KAT6A: variants seen among roughly 807,000 people sequenced by gnomAD.
KAT6A encodes the protein lysine acetyltransferase 6A.
Under a neutral mutation model 198.4 loss-of-function variants are expected in KAT6A, and 9 were observed. The ratio of observed to expected loss-of-function variants is 0.05; its 90% CI spans 0.03 to 0.08. The LOEUF (loss-of-function observed/expected upper bound fraction) is 0.08, where lower values mean the gene tolerates loss of function less well. Among genes scored for constraint, KAT6A ranks in the 10% least tolerant of loss-of-function variants. The pLI, the probability that KAT6A is intolerant of heterozygous loss-of-function variation, is 1.00. For synonymous variants in KAT6A, 890 were observed against 883.0 expected, an observed-to-expected ratio of 1.01 and a Z score of -0.14; for missense variants, 2,077 against 2,509.9, an observed-to-expected ratio of 0.83 and a Z score of 3.69.
chr8:41,987,050 CA>C (rs1365794290), intron 3 of KAT6A, among the ~76,000 whole-genome samples: 2 of 152,064 alleles, frequency 1.3e-5, no homozygotes, highest in African/African-American at 4.8e-5. Flanking sequence ...AAACAAACAA[CA>C]AAAAACCAGA....
In KAT6A at chr8:41,933,083, G is replaced by C. The variant is rs1821639543; in HGVS notation, c.5137C>G (p.Pro1713Ala). The C allele has an allele frequency of 6.2e-7, 1 of 1,613,076 alleles. No homozygotes were observed. Among genetic ancestry groups the C allele is most frequent in the Non-Finnish European group, 8.5e-7 (1 of 1,179,714 alleles). Residue 1713 changes from proline to alanine, a missense_variant, in exon 17 of 17, where the codon CCA (proline) becomes GCA (alanine). Physicochemically the swap from Pro to Ala is conservative, Grantham distance 27. Coordinates refer to ENST00000265713, the MANE Select transcript of KAT6A (RefSeq NM_006766.5). This position sits in a 1 kb window ranked among gnomAD's most constrained non-coding sequence, Gnocchi z 6.2. The stretch of plus-strand genomic sequence containing the variant: ...GGTATCTCCATGATCATAGGAGCTG[G>C]GGTGAAACTGTTATTCATACTACAC... ...SQCSMNNSFT[P>A]APMIMEIPES... is the part of the protein sequence containing the mutation.
At chr8:42,013,134 T>C (rs1350358627) in intron 2 of KAT6A, among the ~76,000 whole-genome samples, 1 of 151,866 alleles carries the variant, frequency 6.6e-6, no homozygotes, top group Admixed American at 6.6e-5. Context: ...ATTGGTTATA[T>C]AACTCTATCC....
At chr8:42,011,324 A>C (rs2150908754) in intron 2 of KAT6A, among the ~76,000 whole-genome samples, 1 of 152,362 alleles carries the variant, frequency 6.6e-6, no homozygotes, top group South Asian at 2.1e-4. Context: ...TTTATAAAAA[A>C]TCTTGAAAAT....
intron 2 of KAT6A, among the ~76,000 whole-genome samples, chr8:42,018,831 G>A (rs1239658760): frequency 6.6e-6 from 1 of 152,132 alleles, no homozygotes; most frequent in Admixed American, 6.5e-5. Flanking sequence ...TGAGGCCGGA[G>A]AATAGCCTGA....
At chr8:42,019,235 G>A (rs530207911) in intron 2 of KAT6A, among the ~76,000 whole-genome samples, 2 of 152,268 alleles carry the variant, frequency 1.3e-5, no homozygotes, top group South Asian at 4.1e-4. Context: ...TGGTTTGCAT[G>A]TTATTTTGAA....
At chr8:41,974,367 T>C (rs945335354) in intron 8 of KAT6A, 1 of 165,304 alleles carries the variant, frequency 6.0e-6, no homozygotes, top group African/African-American at 2.4e-5. Flanking sequence ...AAATACTTCT[T>C]GAATTAATAA....
intron 2 of KAT6A, among the ~76,000 whole-genome samples, chr8:42,029,287 C>A (rs1208980693): frequency 6.6e-6 from 1 of 152,066 alleles, no homozygotes; most frequent in Admixed American, 6.6e-5. Context: ...ATTTTGAAAT[C>A]TTTTAGTTTT....
At position 41,994,562 on chromosome 8, in the gene KAT6A, T is replaced by G. The variant is rs143205970; in HGVS notation, c.601-6999A>C. 6.2e-3 allele frequency among the ~76,000 whole-genome samples: 942 copies of G among 152,152 alleles called. 11 individuals carry two copies. Among genetic ancestry groups the G allele is most frequent in the African/African-American group, 0.022 (906 of 41,488 alleles). The stretch of plus-strand genomic sequence containing the variant: ...GTCACCTTCTCAGTAAGGCTTTTTT[T>G]GAACACCCCATCTAGCATTTCAAAG... On this transcript the variant is annotated intron_variant, in intron 2 of 16. Transcript: ENST00000265713.
chr8:41,963,230 A>G (rs1223837305), intron 8 of KAT6A, among the ~76,000 whole-genome samples: 2 of 152,208 alleles, frequency 1.3e-5, no homozygotes, highest in African/African-American at 4.8e-5. Context: ...TATCTTTGAT[A>G]AAAATTTTAA....
chr8:41,955,827 T>C (rs1014691618), intron 8 of KAT6A, among the ~76,000 whole-genome samples: 1 of 152,188 alleles, frequency 6.6e-6, no homozygotes, highest in Non-Finnish European at 1.5e-5. Context: ...CTGACAACAA[T>C]GGAGATGCCC....
At position 41,934,500 on chromosome 8, in the gene KAT6A, CTCACCCTCT is replaced by C; in HGVS notation, c.3711_3719del (p.Gly1239_Glu1241del). On this transcript the variant is annotated inframe_deletion, in exon 17 of 17. Coordinates refer to ENST00000265713, the MANE Select transcript of KAT6A (RefSeq NM_006766.5). ...CTTCACTGCTGGCTGCATCCTCTTCCTCACCCTCTTCAGCCTCTTCTGCCTCTGCTTGCA... is the reference window on the plus strand; with the variant it reads ...CTTCACTGCTGGCTGCATCCTCTTCCTCAGCCTCTTCTGCCTCTGCTTGCA... 2 of 1,612,752 alleles carry C rather than the reference CTCACCCTCT, an allele frequency of 1.2e-6. No individual in the cohort carries two copies. The highest frequency in any genetic ancestry group is 1.3e-5 in the African/African-American group (1 of 74,944).
chr8:42,047,466 T>G (rs569952739), intron 2 of KAT6A, among the ~76,000 whole-genome samples: 3 of 152,250 alleles, frequency 2.0e-5, no homozygotes, highest in Admixed American at 2.0e-4. Context: ...CAGGCTGGAG[T>G]GCAGTGGTGA....
At position 41,933,834 on chromosome 8, in the gene KAT6A, A is replaced by G; in HGVS notation, c.4386T>C (p.Ala1462=). Reference sequence around the variant, plus strand: ...CCATGGACATCTGAGGGTCCTCGTCAGCCTGGGTGTAACTCTGCAGGGTCT... The same window carrying G: ...CCATGGACATCTGAGGGTCCTCGTCGGCCTGGGTGTAACTCTGCAGGGTCT... ...ACQTLQSYTQ[A]DEDPQMSMVE... is the part of the protein sequence containing the mutation. The change falls in exon 17 of 17, where the codon GCT becomes GCC. Residue 1462 remains alanine, a synonymous_variant. Coordinates refer to ENST00000265713, the MANE Select transcript of KAT6A (RefSeq NM_006766.5). This position sits in a 1 kb window ranked among gnomAD's most constrained non-coding sequence, Gnocchi z 6.2. The G allele has an allele frequency of 6.2e-7, 1 of 1,614,118 alleles. No individual in the cohort carries two copies. The highest frequency in any genetic ancestry group is 8.5e-7 in the Non-Finnish European group (1 of 1,180,012).
At chr8:41,984,188 A>G (rs931382866) in intron 3 of KAT6A, among the ~76,000 whole-genome samples, 1 of 152,190 alleles carries the variant, frequency 6.6e-6, no homozygotes, top group Non-Finnish European at 1.5e-5. Flanking sequence ...CCTGCTAGTC[A>G]TACTCTTACA....
At chr8:42,001,982 A>G (rs1825516922) in intron 2 of KAT6A, among the ~76,000 whole-genome samples, 1 of 151,996 alleles carries the variant, frequency 6.6e-6, no homozygotes, top group South Asian at 2.1e-4. Context: ...TAACATTCAT[A>G]CTAAAATTTT....
rs1478900484 is a variant in KAT6A at position 41,934,439 on chromosome 8, G to A, written c.3781C>T (p.Pro1261Ser). 1.2e-6 allele frequency: 2 copies of A among 1,608,008 alleles called. No individual in the cohort carries two copies. Among genetic ancestry groups the A allele is most frequent in the Non-Finnish European group, 1.7e-6 (2 of 1,176,962 alleles). Residue 1261 changes from proline (P) to serine (S), a missense_variant, in exon 17 of 17, where the codon CCT becomes TCT. Physicochemically the swap from Pro to Ser is moderately conservative, Grantham distance 74 (BLOSUM62 -1). This residue lies in a region of KAT6A where 375 missense variants were observed against 383.0 expected (regional missense o/e 0.98). Coordinates refer to ENST00000265713, the MANE Select transcript of KAT6A (RefSeq NM_006766.5). The stretch of plus-strand genomic sequence containing the variant: ...TCAGGCTCCTTGGTTTCGGTCTCAG[G>A]ACTATTGCTGCTGTCTGCTGGAGAG... ...AASPADSSNS[P>S]ETETKEPEVE...
At chr8:42,032,871 CTTTTTTTTTTTTT>C (rs1163323345) in intron 2 of KAT6A, among the ~76,000 whole-genome samples, 4 of 76,518 alleles carry the variant, frequency 5.2e-5, no homozygotes, top group Non-Finnish European at 9.4e-5. Flanking sequence ...AAAACCTTGG[CTTTTTTTTTTTTT>C]TTTTTTTTTT....
intron 2 of KAT6A, among the ~76,000 whole-genome samples, chr8:42,007,480 A>C (rs1328577096): frequency 1.3e-5 from 2 of 152,152 alleles, no homozygotes. Flanking sequence ...ATCATAAATG[A>C]ATTAGTAAAT....
chr8:42,008,670 G>A (rs927976054), intron 2 of KAT6A, among the ~76,000 whole-genome samples: 2 of 151,926 alleles, frequency 1.3e-5, no homozygotes, highest in African/African-American at 4.8e-5. Context: ...TTTTAACACT[G>A]TTCTCAAGAA....
Sources: allele counts gnomAD v4.1 joint callset (sites outside exome capture counted in the v4.1 genomes callset), GRCh38; gene constraint gnomAD v4.1.1; regional missense constraint gnomAD v4.1.1; non-coding constraint Gnocchi (gnomAD v3.1); transcripts MANE v1.5; gene names NCBI Gene and HGNC (gene_info 2026-07-23, HGNC 2026-07-21).